DMRT1: variants seen among roughly 807,000 people sequenced by gnomAD.
DMRT1 encodes the protein doublesex and mab-3 related transcription factor 1, also known as doublesex- and mab-3-related transcription factor 1.
DMRT1 carries 7 observed loss-of-function variants against 32.3 expected under a neutral mutation model. That is an observed-to-expected ratio of 0.22 (90% CI 0.12 to 0.41). The LOEUF (loss-of-function observed/expected upper bound fraction) is 0.41, where lower values mean the gene tolerates loss of function less well. DMRT1 is among the 10% of genes least tolerant of loss of function. DMRT1 has a pLI of 1.00. For synonymous variants in DMRT1, 278 were observed against 206.1 expected, an observed-to-expected ratio of 1.35 and a Z score of -2.99; for missense variants, 625 against 500.5, an observed-to-expected ratio of 1.25 and a Z score of -2.37.
chr9:957,994 G>A (rs529505473), intron 4 of DMRT1, among the ~76,000 whole-genome samples: 1 of 152,220 alleles, frequency 6.6e-6, no homozygotes, highest in South Asian at 2.1e-4. Context: ...GGGGGATAGA[G>A]CGAGACTCTG....
chr9:872,466 C>G (rs1407227499), intron 2 of DMRT1, among the ~76,000 whole-genome samples: 1 of 152,186 alleles, frequency 6.6e-6, no homozygotes, highest in Non-Finnish European at 1.5e-5. Flanking sequence ...AAAACTCATA[C>G]CCATTACTGG....
intron 4 of DMRT1, among the ~76,000 whole-genome samples, chr9:917,647 G>A (rs961612192): frequency 1.3e-5 from 2 of 152,190 alleles, no homozygotes; most frequent in African/African-American, 4.8e-5. Flanking sequence ...TGTCTTGGAA[G>A]AGAAACCAAT....
At chr9:894,433 T>G (rs1817275310) in intron 3 of DMRT1, 2 of 580,252 alleles carry the variant, frequency 3.4e-6, no homozygotes, top group African/African-American at 3.7e-5. Context: ...CCTCAAAGGT[T>G]GGCTGCAAGG....
chr9:865,687 C>T (rs1409362786), intron 2 of DMRT1, among the ~76,000 whole-genome samples: 1 of 152,144 alleles, frequency 6.6e-6, no homozygotes, highest in African/African-American at 2.4e-5. Context: ...TAACCCATCA[C>T]ATTTCCCTAC....
intron 4 of DMRT1, among the ~76,000 whole-genome samples, chr9:926,505 G>C (rs1310662922): frequency 6.6e-6 from 1 of 152,144 alleles, no homozygotes. Context: ...AGGCCTGGCA[G>C]TTTTCCTCAG....
Position 967,973 on chromosome 9 carries a change from C to G in DMRT1, c.968-12C>G. The G allele has an allele frequency of 6.3e-7, 1 of 1,599,546 alleles. No homozygotes were observed. Among genetic ancestry groups the G allele is most frequent in the South Asian group, 1.1e-5 (1 of 90,426 alleles). On this transcript the variant is annotated splice_polypyrimidine_tract_variant and intron_variant, in intron 4 of 4. Transcript: ENST00000382276. The stretch of plus-strand genomic sequence containing the variant: ...CTCCCTTTCTCTCTTTCTCTCTCAC[C>G]TCACTTCGCAGTATTCTCGCCGCCC...
chr9:883,489 C>T (rs899506258), intron 2 of DMRT1, among the ~76,000 whole-genome samples: 1 of 151,880 alleles, frequency 6.6e-6, no homozygotes, highest in South Asian at 2.1e-4. Context: ...TGCATTAACT[C>T]CCCCGACCCC....
At chr9:930,584 A>G (rs1417506148) in intron 4 of DMRT1, among the ~76,000 whole-genome samples, 1 of 151,872 alleles carries the variant, frequency 6.6e-6, no homozygotes, top group Non-Finnish European at 1.5e-5. Flanking sequence ...AATCCTTTGT[A>G]TTTTTAGTAG....
chr9:966,780 T>C (rs1286332649), intron 4 of DMRT1, among the ~76,000 whole-genome samples: 1 of 152,240 alleles, frequency 6.6e-6, no homozygotes, highest in Non-Finnish European at 1.5e-5. Flanking sequence ...ATATACCTTA[T>C]TAAATTCCAA....
At chr9:876,764 C>G (rs955728005) in intron 2 of DMRT1, among the ~76,000 whole-genome samples, 1 of 152,178 alleles carries the variant, frequency 6.6e-6, no homozygotes, top group Non-Finnish European at 1.5e-5. Context: ...CTTCTGACCT[C>G]AAGCAATCCT....
chr9:906,988 C>T (rs948720788), intron 3 of DMRT1, among the ~76,000 whole-genome samples: 1 of 152,136 alleles, frequency 6.6e-6, no homozygotes, highest in African/African-American at 2.4e-5. Context: ...TAACAAGTCT[C>T]TATATTATTT....
At chr9:850,432 T>G (rs573823443) in intron 2 of DMRT1, among the ~76,000 whole-genome samples, 2 of 152,328 alleles carry the variant, frequency 1.3e-5, no homozygotes, top group Admixed American at 6.5e-5. Context: ...TATATTCATT[T>G]TTCAGAGGTT....
chr9:876,890 C>A (rs142307620), intron 2 of DMRT1, among the ~76,000 whole-genome samples: 1 of 141,354 alleles, frequency 7.1e-6, no homozygotes, highest in African/African-American at 2.8e-5. Flanking sequence ...CCTTCTGACA[C>A]GGCATGGTAG....
intron 4 of DMRT1, among the ~76,000 whole-genome samples, chr9:930,749 G>T (rs555313355): frequency 3.4e-5 from 5 of 148,254 alleles, no homozygotes; most frequent in Non-Finnish European, 7.4e-5. Flanking sequence ...TTGCTATGTT[G>T]TCTAGGCTGG....
At chr9:950,422 G>T (rs1423535763) in intron 4 of DMRT1, among the ~76,000 whole-genome samples, 1 of 152,066 alleles carries the variant, frequency 6.6e-6, no homozygotes, top group Non-Finnish European at 1.5e-5. Context: ...CAGATCCTGA[G>T]TACAAATTCT....
chr9:928,768 T>G (rs570773937), intron 4 of DMRT1, among the ~76,000 whole-genome samples: 1 of 152,316 alleles, frequency 6.6e-6, no homozygotes, highest in East Asian at 1.9e-4. Context: ...AACAAATGTT[T>G]AGTATAAGCA....
At chr9:893,083 G>GTAT (rs370744493) in intron 2 of DMRT1, among the ~76,000 whole-genome samples, 3,355 of 135,456 alleles carry the variant, frequency 0.025, 125 homozygotes, top group African/African-American at 0.094. Context: ...TAGGTGGTAG[G>GTAT]TGGTATTCCC....
rs139467156 is a variant in DMRT1 at position 890,189 on chromosome 9, C to T, written c.539-3723C>T. ...GGCCGACTGAGCTGAGATCTCAGGC[C>T]GCCCGCCTCAGCCTCCCAAAGTGCT... On this transcript the variant is annotated intron_variant, in intron 2 of 4. Transcript: ENST00000382276. 6.8e-3 allele frequency among the ~76,000 whole-genome samples: 1,029 copies of T among 150,256 alleles called. 6 individuals are homozygous for T. The highest frequency in any genetic ancestry group is 0.024 in the African/African-American group (959 of 40,650).
chr9:895,785 C>T (rs981782624), intron 3 of DMRT1, among the ~76,000 whole-genome samples: 1 of 149,076 alleles, frequency 6.7e-6, no homozygotes, highest in Admixed American at 6.7e-5. Context: ...AGAATTTACT[C>T]ATCTTATAAC....
Sources: allele counts gnomAD v4.1 joint callset (sites outside exome capture counted in the v4.1 genomes callset), GRCh38; gene constraint gnomAD v4.1.1; transcripts MANE v1.5; gene names NCBI Gene and HGNC (gene_info 2026-07-23, HGNC 2026-07-21).